WWOX: variants seen among roughly 807,000 people sequenced by gnomAD.
WWOX encodes the protein WW domain-containing oxidoreductase.
Under a neutral mutation model 46.2 loss-of-function variants are expected in WWOX, and 69 were observed. The observed-to-expected ratio is 1.49, with a 90% CI of 1.23 to 1.82. WWOX has a LOEUF of 1.82. Ranked by LOEUF, WWOX falls within the 40% of genes most tolerant of loss-of-function variation. The pLI, the probability that WWOX is intolerant of heterozygous loss-of-function variation, is 0.00. For missense variants in WWOX, 919 were observed against 542.6 expected, an observed-to-expected ratio of 1.69 and a Z score of -6.89; for synonymous variants, 359 against 202.6, an observed-to-expected ratio of 1.77 and a Z score of -6.56.
intron 6 of WWOX, among the ~76,000 whole-genome samples, chr16:78,424,389 G>C (rs977534637): frequency 1.3e-5 from 2 of 152,002 alleles, no homozygotes; most frequent in Non-Finnish European, 2.9e-5. Flanking sequence ...CAAAGTGCTG[G>C]GATTACAGGC....
At chr16:78,321,784 G>T (rs1476021552) in intron 5 of WWOX, among the ~76,000 whole-genome samples, 2 of 152,158 alleles carry the variant, frequency 1.3e-5, no homozygotes, top group Non-Finnish European at 2.9e-5. Context: ...CCTGTCAGTG[G>T]CTGTCGTCTG....
At chr16:78,317,279 C>G (rs1235130110) in intron 5 of WWOX, among the ~76,000 whole-genome samples, 1 of 152,162 alleles carries the variant, frequency 6.6e-6, no homozygotes, top group Non-Finnish European at 1.5e-5. Context: ...CTCTCTCTCT[C>G]TGTCTGTCTC....
At chr16:78,893,090 C>T (rs549251352) in intron 8 of WWOX, among the ~76,000 whole-genome samples, 42 of 152,150 alleles carry the variant, frequency 2.8e-4, no homozygotes, top group Middle Eastern at 3.4e-3. Context: ...GTTTCCATCT[C>T]CACCCTGCTG....
intron 8 of WWOX, among the ~76,000 whole-genome samples, chr16:78,867,592 G>C (rs2151199069): frequency 6.6e-6 from 1 of 151,894 alleles, no homozygotes; most frequent in Middle Eastern, 3.4e-3. Flanking sequence ...CCAGGCTGGA[G>C]TGCCTTGGTG....
chr16:78,215,920 A>G (rs188200422), intron 5 of WWOX, among the ~76,000 whole-genome samples: 25 of 152,144 alleles, frequency 1.6e-4, no homozygotes, highest in Non-Finnish European at 3.4e-4. Flanking sequence ...CATCTCAAAA[A>G]AAAAAAAAGA....
chr16:78,832,760 G>A (rs8056057), intron 8 of WWOX, among the ~76,000 whole-genome samples: 1 of 151,994 alleles, frequency 6.6e-6, no homozygotes, highest in African/African-American at 2.4e-5. Flanking sequence ...CAGGCCAGCA[G>A]GTGAGTTGGG....
intron 5 of WWOX, among the ~76,000 whole-genome samples, chr16:78,385,160 C>CACACACACACACACACACACACACAA (rs1437530466): frequency 6.6e-6 from 1 of 151,780 alleles, no homozygotes; most frequent in African/African-American, 2.4e-5. Context: ...CACACACACA[C>CACACACACACACACACACACACACAA]AAAAGCACAG....
chr16:78,990,917 G>A (rs113801409), intron 8 of WWOX, among the ~76,000 whole-genome samples: 2,203 of 152,348 alleles, frequency 0.014, 17 homozygotes, highest in Middle Eastern at 0.031. Flanking sequence ...CCTTAAGAGA[G>A]AGGTGTCATG....
intron 8 of WWOX, among the ~76,000 whole-genome samples, chr16:78,581,880 T>C (rs2045065104): frequency 6.6e-6 from 1 of 152,316 alleles, no homozygotes; most frequent in East Asian, 1.9e-4. Flanking sequence ...CATCCTCTAT[T>C]TGAAATTAAA....
At chr16:78,227,782 C>T (rs1422368566) in intron 5 of WWOX, among the ~76,000 whole-genome samples, 2 of 152,086 alleles carry the variant, frequency 1.3e-5, no homozygotes, top group Non-Finnish European at 2.9e-5. Flanking sequence ...GAGGCTGAGG[C>T]AGGAGAATCG....
At chr16:78,439,581 A>G (rs751969841) in intron 8 of WWOX, among the ~76,000 whole-genome samples, 15 of 152,240 alleles carry the variant, frequency 9.9e-5, no homozygotes, top group Non-Finnish European at 1.8e-4. Flanking sequence ...ATTTAGAATC[A>G]TGAGGGTTGT....
intron 8 of WWOX, among the ~76,000 whole-genome samples, chr16:79,043,197 TA>T (rs2048004536): frequency 6.6e-6 from 1 of 151,470 alleles, no homozygotes; most frequent in Admixed American, 6.5e-5. Flanking sequence ...AGTGTTTTTT[TA>T]AATGAAAAAA....
chr16:78,820,954 C>T (rs544407659), intron 8 of WWOX, among the ~76,000 whole-genome samples: 1 of 152,170 alleles, frequency 6.6e-6, no homozygotes, highest in Non-Finnish European at 1.5e-5. Context: ...TCCTTTCTGT[C>T]TCTTACAAGG....
At chr16:78,227,426 C>T (rs769322054) in intron 5 of WWOX, among the ~76,000 whole-genome samples, 1 of 152,210 alleles carries the variant, frequency 6.6e-6, no homozygotes, top group African/African-American at 2.4e-5. Context: ...AGAATGTTTT[C>T]ATCTCTGAAA....
chr16:78,627,454 G>A (rs555903290), intron 8 of WWOX, among the ~76,000 whole-genome samples: 1 of 152,170 alleles, frequency 6.6e-6, no homozygotes, highest in Non-Finnish European at 1.5e-5. Flanking sequence ...GGTCTCCAAG[G>A]CCTCTTCCAA....
intron 8 of WWOX, among the ~76,000 whole-genome samples, chr16:78,900,419 A>T (rs1039288891): frequency 6.6e-6 from 1 of 152,096 alleles, no homozygotes; most frequent in Non-Finnish European, 1.5e-5. Flanking sequence ...TTTGTTTTTT[A>T]TTTTTCCTTA....
At chr16:78,808,615 G>T (rs1355399475) in intron 8 of WWOX, among the ~76,000 whole-genome samples, 1 of 152,018 alleles carries the variant, frequency 6.6e-6, no homozygotes, top group Non-Finnish European at 1.5e-5. Context: ...CTGCTTCATT[G>T]GTTTAAAATA....
chr16:78,557,836 T>G (rs753975235), intron 8 of WWOX, among the ~76,000 whole-genome samples: 4 of 151,860 alleles, frequency 2.6e-5, no homozygotes, highest in Non-Finnish European at 5.9e-5. Flanking sequence ...GCTGGGATTA[T>G]AGTCACCTAC....
At chr16:78,188,298 G>A (rs1479489848) in intron 5 of WWOX, among the ~76,000 whole-genome samples, 1 of 151,984 alleles carries the variant, frequency 6.6e-6, no homozygotes, top group Non-Finnish European at 1.5e-5. Context: ...GACCATCCTG[G>A]CTAACACGGT....
Sources: gnomAD v4.1 joint callset for allele counts (sites outside exome capture counted in the v4.1 genomes callset) on GRCh38, gnomAD v4.1.1 for gene constraint, MANE v1.5 for transcripts, NCBI Gene and HGNC (gene_info 2026-07-23, HGNC 2026-07-21) for gene names.